TENM2: variants seen among roughly 807,000 people sequenced by gnomAD.
The protein encoded by TENM2 is teneurin-2.
Under a neutral mutation model 245.2 loss-of-function variants are expected in TENM2, and 52 were observed. The ratio of observed to expected loss-of-function variants is 0.21; its 90% confidence interval spans 0.17 to 0.27. TENM2 has a LOEUF of 0.27. Among genes scored for constraint, TENM2 ranks in the 10% least tolerant of loss-of-function variants. TENM2 has a pLI of 1.00. For missense variants in TENM2, 3,046 were observed against 3,666.8 expected, an observed-to-expected ratio of 0.83 and a Z score of 4.37; for synonymous variants, 1,363 against 1,438.9, an observed-to-expected ratio of 0.95 and a Z score of 1.19.
chr5:167,048,575 A>G, the TENM2 span, among the ~76,000 whole-genome samples: 1 of 152,224 alleles, frequency 6.6e-6, no homozygotes, highest in Admixed American at 6.5e-5. Context: ...CTGGAGAAGA[A>G]CAAAACTTTA....
intron 2 of TENM2, among the ~76,000 whole-genome samples, chr5:167,425,710 C>T (rs181509817): frequency 6.6e-6 from 1 of 152,176 alleles, no homozygotes; most frequent in East Asian, 1.9e-4. Flanking sequence ...AATCTCTCTG[C>T]GTCTCAGTTT....
At chr5:167,273,347 A>T in the TENM2 span, among the ~76,000 whole-genome samples, 2 of 152,124 alleles carry the variant, frequency 1.3e-5, no homozygotes, top group Admixed American at 6.6e-5. Flanking sequence ...GAAAAGGTGG[A>T]GGCTTGGGGA....
At chr5:167,612,029 C>A (rs147275443) in intron 2 of TENM2, among the ~76,000 whole-genome samples, 80 of 152,230 alleles carry the variant, frequency 5.3e-4, no homozygotes, top group African/African-American at 1.9e-3. Flanking sequence ...TATTTCCACC[C>A]TACAAGTCTG....
chr5:167,589,288 G>A (rs1224477420), intron 2 of TENM2, among the ~76,000 whole-genome samples: 1 of 152,024 alleles, frequency 6.6e-6, no homozygotes, highest in African/African-American at 2.4e-5. Context: ...CCTTTCATGT[G>A]TTGTCTCTGT....
At chr5:167,515,669 G>GCATATATA (rs139007961) in intron 2 of TENM2, among the ~76,000 whole-genome samples, 19 of 78,780 alleles carry the variant, frequency 2.4e-4, no homozygotes, top group African/African-American at 9.6e-4. Context: ...ACGTATATAT[G>GCATATATA]TGTATATATA....
the TENM2 span, among the ~76,000 whole-genome samples, chr5:167,200,066 T>C: frequency 3.3e-5 from 5 of 152,092 alleles, no homozygotes; most frequent in African/African-American, 1.2e-4. Context: ...CACCCACTGC[T>C]TCGGATGAGG....
At chr5:167,696,203 T>C (rs1181375199) in intron 2 of TENM2, among the ~76,000 whole-genome samples, 1 of 152,228 alleles carries the variant, frequency 6.6e-6, no homozygotes, top group East Asian at 1.9e-4. Context: ...TTTGATTACC[T>C]GTGAGTGTTT....
In TENM2 at chr5:168,218,370, A is replaced by C; in HGVS notation, c.4479A>C (p.Thr1493=). Residue 1493 remains threonine (T), a synonymous_variant, in exon 23 of 29, where the codon ACA becomes ACC. Transcript: ENST00000518659. This position sits in a 1 kb window ranked among gnomAD's most constrained non-coding sequence, Gnocchi z 5.2. ...CTGGGGTCCTCTACATCACTGAGAC[A>C]GATGAGAAGAAGATTAACCGTCTAC... The C allele has an allele frequency of 6.2e-7, 1 of 1,614,078 alleles. No homozygotes were observed. Among genetic ancestry groups the C allele is most frequent in the Non-Finnish European group, 8.5e-7 (1 of 1,179,910 alleles).
chr5:167,722,380 A>T (rs1329854195), intron 2 of TENM2, among the ~76,000 whole-genome samples: 2 of 152,214 alleles, frequency 1.3e-5, no homozygotes, highest in African/African-American at 4.8e-5. Context: ...AAGTAGGTAG[A>T]TAGATTGATA....
intron 5 of TENM2, among the ~76,000 whole-genome samples, chr5:168,013,029 G>A (rs1374290941): frequency 6.6e-6 from 1 of 152,090 alleles, no homozygotes; most frequent in Non-Finnish European, 1.5e-5. Flanking sequence ...TTCAAAGGAG[G>A]GAGATAGAAG....
intron 2 of TENM2, among the ~76,000 whole-genome samples, chr5:167,851,393 T>A (rs1486684170): frequency 6.6e-6 from 1 of 152,200 alleles, no homozygotes; most frequent in Non-Finnish European, 1.5e-5. Flanking sequence ...TATCCAAATT[T>A]ATCATAATCA....
chr5:167,350,034 T>A (rs1271266561), intron 1 of TENM2, among the ~76,000 whole-genome samples: 1 of 152,202 alleles, frequency 6.6e-6, no homozygotes, highest in African/African-American at 2.4e-5. Flanking sequence ...TGTCAAATTA[T>A]ATCAATATGG....
chr5:167,165,749 AC>A, the TENM2 span, among the ~76,000 whole-genome samples: 1 of 152,210 alleles, frequency 6.6e-6, no homozygotes, highest in Non-Finnish European at 1.5e-5. Flanking sequence ...TTCACTGACC[AC>A]CATTGTCAGT....
At chr5:167,393,612 T>C (rs1441831883) in intron 2 of TENM2, among the ~76,000 whole-genome samples, 2 of 152,164 alleles carry the variant, frequency 1.3e-5, no homozygotes, top group Non-Finnish European at 2.9e-5. Context: ...AGTCAGGTCA[T>C]AGAGGGTGTC....
rs1338103078 is a variant in TENM2, at chr5:167,941,028, T to C, written c.713-11560T>C. ...CATTATGGGATTAAGAATGATCCCA[T>C]TTGAGATGATAAATACTAGAATGTT... On this transcript the variant is annotated intron_variant, in intron 3 of 28. Transcript: ENST00000518659. 2.0e-5 allele frequency among the ~76,000 whole-genome samples: 3 copies of C among 152,212 alleles called. No individual in the cohort carries two copies. The East Asian group carries it at 5.8e-4, about 29-fold the overall frequency.
chr5:167,199,482 A>G, the TENM2 span, among the ~76,000 whole-genome samples: 1 of 151,928 alleles, frequency 6.6e-6, no homozygotes, highest in Admixed American at 6.6e-5. Flanking sequence ...TTTTAATTCC[A>G]CATTTCTCAT....
chr5:167,927,489 G>A (rs534962332), intron 3 of TENM2, among the ~76,000 whole-genome samples: 2 of 152,148 alleles, frequency 1.3e-5, no homozygotes, highest in South Asian at 2.1e-4. Flanking sequence ...ACACCAACGG[G>A]GCTTATGTCA....
intron 2 of TENM2, among the ~76,000 whole-genome samples, chr5:167,577,488 T>C (rs1774785151): frequency 6.6e-6 from 1 of 152,192 alleles, no homozygotes; most frequent in African/African-American, 2.4e-5. Flanking sequence ...AAGCTTATAT[T>C]TAGAAGGCAT....
At chr5:167,266,496 A>G in the TENM2 span, among the ~76,000 whole-genome samples, 5 of 152,214 alleles carry the variant, frequency 3.3e-5, no homozygotes, top group Non-Finnish European at 7.3e-5. Flanking sequence ...TGCTTAAAAA[A>G]ATAGGAGAAC....
Sources: allele counts gnomAD v4.1 joint callset (sites outside exome capture counted in the v4.1 genomes callset), GRCh38; gene constraint gnomAD v4.1.1; non-coding constraint Gnocchi (gnomAD v3.1); transcripts MANE v1.5; gene names NCBI Gene and HGNC (gene_info 2026-07-23, HGNC 2026-07-21).